HDAC9: variants seen among roughly 807,000 people sequenced by gnomAD.
The protein encoded by HDAC9 is histone deacetylase 9.
In HDAC9, 41 loss-of-function variants were observed where a neutral mutation model predicts 139.4. The ratio of observed to expected loss-of-function variants is 0.29; its 90% CI spans 0.23 to 0.38. The LOEUF (loss-of-function observed/expected upper bound fraction) is 0.38, where lower values mean the gene tolerates loss of function less well. HDAC9 is among the 10% of genes least tolerant of loss of function. HDAC9 has a pLI of 1.00. For missense variants in HDAC9, 1,147 were observed against 1,297.0 expected (o/e 0.88, Z 1.78); for synonymous variants, 517 against 476.2 (o/e 1.09, Z -1.12).
intron 2 of HDAC9, among the ~76,000 whole-genome samples, chr7:18,219,235 T>C: frequency 6.6e-6 from 1 of 152,328 alleles, no homozygotes. Context: ...TCATAATTAC[T>C]TTTAAAGTTG....
At chr7:18,613,163 A>G (rs111439028) in intron 6 of HDAC9, among the ~76,000 whole-genome samples, 31 of 150,672 alleles carry the variant, frequency 2.1e-4, no homozygotes, top group African/African-American at 6.8e-4. Flanking sequence ...CAGTCAGTCT[A>G]TTACTTCATA....
chr7:18,273,013 C>CTT (rs1299389272), intron 2 of HDAC9, among the ~76,000 whole-genome samples: 3,915 of 144,234 alleles, frequency 0.027, 227 homozygotes, highest in African/African-American at 0.096. Flanking sequence ...TCTTCTTCTT[C>CTT]CTCCTCCTCC....
chr7:18,888,307 C>G (rs1044202898), intron 22 of HDAC9, among the ~76,000 whole-genome samples: 17 of 152,170 alleles, frequency 1.1e-4, no homozygotes, highest in African/African-American at 4.1e-4. Context: ...CGCCTGTAGT[C>G]CCAGCTACTC....
intron 22 of HDAC9, among the ~76,000 whole-genome samples, chr7:18,908,308 C>G (rs2129287472): frequency 6.6e-6 from 1 of 152,130 alleles, no homozygotes; most frequent in East Asian, 1.9e-4. Context: ...TGATACATCT[C>G]TACAGTGTGT....
intron 6 of HDAC9, among the ~76,000 whole-genome samples, chr7:18,618,781 A>G (rs1288192520): frequency 7.0e-6 from 1 of 142,784 alleles, no homozygotes; most frequent in East Asian, 2.0e-4. Flanking sequence ...CGTTTGTTAC[A>G]GAAAGATTCA....
At chr7:18,591,450 C>T (rs1830920019) in intron 4 of HDAC9, 66 bp from the exon 5 acceptor site, 1 of 1,476,020 alleles carries the variant, frequency 6.8e-7, no homozygotes, top group Admixed American at 2.2e-5. Flanking sequence ...CAAAACTCAC[C>T]ATCAACATCT....
At chr7:18,341,132 A>G (rs1215289054) in intron 1 of HDAC9, among the ~76,000 whole-genome samples, 1 of 151,022 alleles carries the variant, frequency 6.6e-6, no homozygotes, top group African/African-American at 2.4e-5. Context: ...CCCCCTGACT[A>G]CTTTTAAGAT....
intron 1 of HDAC9, among the ~76,000 whole-genome samples, chr7:18,486,401 G>A (rs1795979243): frequency 6.6e-6 from 1 of 151,962 alleles, no homozygotes; most frequent in African/African-American, 2.4e-5. Context: ...CCTTCAAAAG[G>A]CTTAGACCAT....
intron 2 of HDAC9, among the ~76,000 whole-genome samples, chr7:18,177,430 G>A (rs916774308): frequency 3.9e-5 from 6 of 152,082 alleles, no homozygotes; most frequent in African/African-American, 9.7e-5. Context: ...ATAAGAACCC[G>A]TACCCTTTTC....
chr7:18,157,866 G>C (rs1336277895), intron 1 of HDAC9, among the ~76,000 whole-genome samples: 1 of 143,676 alleles, frequency 7.0e-6, no homozygotes, highest in Non-Finnish European at 1.5e-5. Context: ...AGGATCTGAT[G>C]AATCTCTTGG....
chr7:18,908,632 A>C lies in HDAC9; in HGVS notation c.2804-27177A>C, dbSNP rs368043847. On this transcript the variant is annotated intron_variant, in intron 22 of 25. Coordinates refer to ENST00000686413, the MANE Select transcript of HDAC9 (RefSeq NM_178425.4). ...CTCTTTTGGCTTCCACATGTAAGTG[A>C]GATTGTGCGGTATTTATTTTTTTTG... Among the ~76,000 whole-genome samples, 17 of 152,148 alleles carry C rather than the reference A, an allele frequency of 1.1e-4. No homozygotes were observed. The East Asian group carries it at 2.3e-3, about 21-fold the overall frequency.
At chr7:18,820,048 A>T (rs1482069120) in intron 17 of HDAC9, among the ~76,000 whole-genome samples, 1 of 152,224 alleles carries the variant, frequency 6.6e-6, no homozygotes, top group East Asian at 1.9e-4. Context: ...AAGTTTAAAA[A>T]GGTTAAATAT....
At chr7:18,566,627 G>A (rs1206592088) in intron 2 of HDAC9, among the ~76,000 whole-genome samples, 2 of 152,196 alleles carry the variant, frequency 1.3e-5, no homozygotes, top group African/African-American at 2.4e-5. Context: ...GAGAAACCCA[G>A]GATCCATAGA....
At chr7:18,357,265 T>C (rs942731639) in intron 1 of HDAC9, among the ~76,000 whole-genome samples, 1 of 152,168 alleles carries the variant, frequency 6.6e-6, no homozygotes, top group Non-Finnish European at 1.5e-5. Flanking sequence ...AGGGTAGACA[T>C]CAATCAGTAT....
chr7:18,133,816 C>G (rs1031404159), intron 1 of HDAC9, among the ~76,000 whole-genome samples: 1 of 151,982 alleles, frequency 6.6e-6, no homozygotes, highest in Non-Finnish European at 1.5e-5. Flanking sequence ...TTGGAAGTTG[C>G]TATGGGAAGC....
chr7:18,386,485 A>G (rs1257105107), intron 1 of HDAC9, among the ~76,000 whole-genome samples: 2 of 152,138 alleles, frequency 1.3e-5, no homozygotes, highest in African/African-American at 2.4e-5. Context: ...CCCCCTATGC[A>G]TGTTACTTAA....
chr7:18,524,675 T>C (rs1307814384), intron 2 of HDAC9, among the ~76,000 whole-genome samples: 5 of 152,122 alleles, frequency 3.3e-5, no homozygotes, highest in Admixed American at 3.3e-4. Flanking sequence ...TTCCCATTCT[T>C]AACTCTGTCT....
At chr7:18,768,111 C>A (rs1789982756) in intron 16 of HDAC9, among the ~76,000 whole-genome samples, 1 of 152,110 alleles carries the variant, frequency 6.6e-6, no homozygotes, top group South Asian at 2.1e-4. Flanking sequence ...TAGCTATATC[C>A]ATTTGCCTCC....
chr7:18,363,447 G>A (rs1000219632), intron 1 of HDAC9, among the ~76,000 whole-genome samples: 7 of 151,968 alleles, frequency 4.6e-5, no homozygotes, highest in Non-Finnish European at 1.0e-4. Flanking sequence ...GATTCGCAAA[G>A]AAAAAAATAA....
Sources: allele counts gnomAD v4.1 joint callset (sites outside exome capture counted in the v4.1 genomes callset), GRCh38; gene constraint gnomAD v4.1.1; transcripts MANE v1.5; gene names NCBI Gene and HGNC (gene_info 2026-07-23, HGNC 2026-07-21).